Variants in ARAP3 observed in about 807,000 individuals in gnomAD.
ARAP3 encodes the protein ArfGAP with RhoGAP domain, ankyrin repeat and PH domain 3, also known as arf-GAP with Rho-GAP domain, ANK repeat and PH domain-containing protein 3.
In ARAP3, 82 loss-of-function variants were observed where a neutral mutation model predicts 169.2. That is an observed-to-expected ratio of 0.48 (90% CI 0.41 to 0.58). The LOEUF is 0.58. Ranked by LOEUF, ARAP3 falls within the 20% of genes least tolerant of loss-of-function variation. The pLI is 0.00. For missense variants in ARAP3, 1,764 were observed against 2,018.0 expected, an observed-to-expected ratio of 0.87 and a Z score of 2.41; for synonymous variants, 791 against 800.3, an observed-to-expected ratio of 0.99 and a Z score of 0.20.
rs757817986 is a variant in ARAP3 at position 141,680,306 on chromosome 5, G to C, written c.181C>G (p.Leu61Val). Residue 61 changes from leucine to valine, a missense_variant, in exon 2 of 33, where the codon CTG (leucine) becomes GTG (valine). This residue lies in a region of ARAP3 where 630 missense variants were observed against 678.7 expected (regional missense o/e 0.93). Coordinates refer to ENST00000239440, the MANE Select transcript of ARAP3 (RefSeq NM_022481.6). ...CCCTCTTCGGTGCCTGTCTGTAGCAGGCGTAGAATGCGTTTCCGGTGCCCT... is the reference window on the plus strand; with the variant it reads ...CCCTCTTCGGTGCCTGTCTGTAGCACGCGTAGAATGCGTTTCCGGTGCCCT... The part of the protein sequence containing the change: ...ATGHRKRILR[L>V]LQTGTEEGSL... The C allele has an allele frequency of 5.6e-6, 9 of 1,614,234 alleles. No homozygotes were observed. Among genetic ancestry groups the C allele is most frequent in the Non-Finnish European group, 7.6e-6 (9 of 1,180,030 alleles).
At chr5:141,677,442 A>G (rs2099912326) in intron 4 of ARAP3, among the ~76,000 whole-genome samples, 1 of 151,794 alleles carries the variant, frequency 6.6e-6, no homozygotes, top group South Asian at 2.1e-4. Context: ...ACCAGCTCAG[A>G]TGGAAGCCCT....
rs575250722 is a variant in ARAP3, at chr5:141,661,804, G to A, written c.3014-15C>T. 47 of 1,613,758 alleles carry A rather than the reference G, an allele frequency of 2.9e-5. 2 individuals carry two copies. The South Asian group carries it at 4.7e-4, about 16-fold the overall frequency. ...CTGGGGCAGCTCTGGGGATGGAATG[G>A]AGGAGGGTTGGGGAGGACCCGGGAA... On this transcript the variant is annotated splice_polypyrimidine_tract_variant and intron_variant, in intron 20 of 32. Coordinates refer to ENST00000239440, the MANE Select transcript of ARAP3 (RefSeq NM_022481.6).
intron 17 of ARAP3, among the ~76,000 whole-genome samples, chr5:141,665,782 G>A (rs2099910543): frequency 6.6e-6 from 1 of 152,034 alleles, no homozygotes; most frequent in Admixed American, 6.5e-5. Flanking sequence ...TGTAATCCCA[G>A]CACTGTGGGA....
intron 4 of ARAP3, among the ~76,000 whole-genome samples, chr5:141,674,883 C>G (rs968137055): frequency 6.6e-6 from 1 of 152,188 alleles, no homozygotes; most frequent in African/African-American, 2.4e-5. Flanking sequence ...TGCCCTCCCT[C>G]CCACACTTAT....
In ARAP3 at chr5:141,658,151, C is replaced by T. The variant is rs548856175; in HGVS notation, c.3526+214G>A. On this transcript the variant is annotated intron_variant, in intron 25 of 32. Coordinates refer to ENST00000239440, the MANE Select transcript of ARAP3 (RefSeq NM_022481.6). ...TCCCTTTAAGGTAGAAGGTAAACTACGAGCTTGTGGGGGTCACTAAGGCCA... is the reference window on the plus strand; with the variant it reads ...TCCCTTTAAGGTAGAAGGTAAACTATGAGCTTGTGGGGGTCACTAAGGCCA... 1.1e-4 allele frequency among the ~76,000 whole-genome samples: 17 copies of T among 152,230 alleles called. No homozygotes were observed. In the South Asian group the frequency reaches 2.7e-3, roughly 24 times the overall value.
intron 16 of ARAP3, among the ~76,000 whole-genome samples, chr5:141,669,491 T>C (rs531670056): frequency 6.6e-6 from 1 of 152,308 alleles, no homozygotes; most frequent in East Asian, 1.9e-4. Flanking sequence ...TAAAACTTAG[T>C]TTCCTTATAC....
At chr5:141,679,439 T>G (rs981401156) in intron 4 of ARAP3, 106 bp downstream of exon 4, 13 of 1,111,702 alleles carry the variant, frequency 1.2e-5, no homozygotes, top group Non-Finnish European at 1.6e-5. Context: ...GTATCTTGAG[T>G]GCCTGGCTGG....
chr5:141,670,106 C>A, intron 14 of ARAP3, 43 bp from the exon 15 acceptor site: 1 of 1,575,194 alleles, frequency 6.3e-7, no homozygotes, highest in Non-Finnish European at 8.5e-7. Context: ...GACCTCTGCC[C>A]CCACTGTCAT....
chr5:141,661,115 G>A (rs552570613), intron 21 of ARAP3, among the ~76,000 whole-genome samples: 1 of 148,340 alleles, frequency 6.7e-6, no homozygotes, highest in Non-Finnish European at 1.5e-5. Context: ...CCAGGCTGGA[G>A]TGAAGTGGTA....
rs3075597 is a variant in ARAP3, at chr5:141,655,182, T to TACACACACACAC, written c.4149+168_4149+179dup. 7.2e-3 allele frequency among the ~76,000 whole-genome samples: 689 copies of TACACACACACAC among 95,540 alleles called. 52 individuals are homozygous for TACACACACACAC. The highest frequency in any genetic ancestry group is 0.011 in the African/African-American group (239 of 21,330). 62.7% of individuals were successfully genotyped at this position (95,540 alleles called of 152,430 possible). On this transcript the variant is annotated intron_variant, in intron 32 of 32. Transcript: ENST00000239440. ...CACACACACACACACCCTGATGGCC[T>TACACACACACAC]ACACACACACACACACACACACACA...
chr5:141,664,241 A>G (rs2099910345), intron 19 of ARAP3, among the ~76,000 whole-genome samples: 1 of 152,108 alleles, frequency 6.6e-6, no homozygotes, highest in African/African-American at 2.4e-5. Flanking sequence ...AAAATTATCC[A>G]GGTGTGGTGG....
chr5:141,658,562 G>T lies in ARAP3; in HGVS notation c.3411+17C>A, dbSNP rs781491574. On this transcript the variant is annotated intron_variant, in intron 24 of 32. Coordinates refer to ENST00000239440, the MANE Select transcript of ARAP3 (RefSeq NM_022481.6). ...TCACTATCCTCTTATTTCCCCTCCA[G>T]TCCCCTCAGGACCAACCTTCAGGGT... is the stretch of plus-strand genomic sequence containing the variant. The T allele has an allele frequency of 1.2e-6, 2 of 1,614,004 alleles. No individual in the cohort carries two copies. The highest frequency in any genetic ancestry group is 2.2e-5 in the South Asian group (2 of 91,064).
In ARAP3 at chr5:141,669,749, C is replaced by A; in HGVS notation, c.2312G>T (p.Gly771Val). 6.2e-7 allele frequency: 1 copy of A among 1,614,092 alleles called. No homozygotes were observed. Among genetic ancestry groups the A allele is most frequent in the Non-Finnish European group, 8.5e-7 (1 of 1,179,998 alleles). Residue 771 changes from glycine (G) to valine (V), a missense_variant, in exon 16 of 33, where the codon GGA becomes GTA. By Grantham distance (109) the Gly-to-Val change is moderately radical. Transcript: ENST00000239440. The stretch of plus-strand genomic sequence containing the variant: ...AGTCCAGGCCTCCAGACTGTCAGCT[C>A]CATCTGTGCCAAAATGCTGGATCCT... ...GGRIQHFGTD[G>V]ADSLEAWTSA...
At chr5:141,654,514 T>G (rs2154598619) in intron 32 of ARAP3, 79 bp from the exon 33 acceptor site, 649 of 1,486,004 alleles carry the variant, frequency 4.4e-4, no homozygotes, top group Non-Finnish European at 5.3e-4. Flanking sequence ...TACTGAGCTC[T>G]TCCTCTGGGC....
chr5:141,658,379 T>C lies in ARAP3; in HGVS notation c.3512A>G (p.Glu1171Gly). Residue 1171 changes from glutamate (E) to glycine (G), a missense_variant, in exon 25 of 33, where the codon GAG becomes GGG. Glu to Gly is a moderately conservative substitution (Grantham distance 98). Transcript: ENST00000239440. Reference protein sequence around the residue: ...MDLWVTFEIREHGELERPLHP... With the variant: ...MDLWVTFEIRGHGELERPLHP... ...GTCATACTCACCCAGCTCCCCATGC[T>C]CGCGAATCTCAAAAGTCACCCACAA... 6.2e-7 allele frequency: 1 copy of C among 1,613,256 alleles called. No individual in the cohort carries two copies. Among genetic ancestry groups the C allele is most frequent in the South Asian group, 1.1e-5 (1 of 91,044 alleles).
chr5:141,673,055 T>C lies in ARAP3; in HGVS notation c.1051A>G (p.Ile351Val), dbSNP rs1246917164. The change falls in exon 7 of 33, where the codon ATC (isoleucine) becomes GTC (valine). Residue 351 changes from isoleucine to valine, a missense_variant. Physicochemically the swap from Ile to Val is conservative, Grantham distance 29. Coordinates refer to ENST00000239440, the MANE Select transcript of ARAP3 (RefSeq NM_022481.6). ...AACACGAACACCCTCTGGCCGGTGA[T>C]GACCTGGAACTTGTTGTCCTTGCTG... ...RSSKDNKFQV[I>V]TGQRVFVFRT... is the part of the protein sequence containing the mutation. The C allele has an allele frequency of 1.2e-6, 2 of 1,614,080 alleles. No homozygotes were observed. The highest frequency in any genetic ancestry group is 1.7e-5 in the Admixed American group (1 of 60,012).
At chr5:141,662,362 G>T in intron 19 of ARAP3, 107 bp from the exon 20 acceptor site, 1 of 1,035,154 alleles carries the variant, frequency 9.7e-7, no homozygotes, top group Non-Finnish European at 1.5e-6. Flanking sequence ...GGGGGCATGG[G>T]ATTCAGAGAG....
At position 141,655,767 on chromosome 5, in the gene ARAP3, A is replaced by G. The variant is rs149196553; in HGVS notation, c.3973-9T>C. On this transcript the variant is annotated splice_polypyrimidine_tract_variant and intron_variant, in intron 30 of 32. Transcript: ENST00000239440. The stretch of plus-strand genomic sequence containing the variant: ...GGCTGCTGGTCATCGTGCTGGTGGG[A>G]GCGTGAGGGGTTGGCATCAGTGGGC... The G allele has an allele frequency of 3.3e-3, 5,272 of 1,614,072 alleles. 16 individuals carry two copies. The highest frequency in any genetic ancestry group is 4.1e-3 in the Non-Finnish European group (4,887 of 1,180,010).
intron 19 of ARAP3, 35 bp downstream of exon 19, chr5:141,664,887 C>A: frequency 3.8e-6 from 2 of 521,802 alleles, no homozygotes; most frequent in Non-Finnish European, 6.9e-6. Flanking sequence ...CACCCCCCAC[C>A]CCCATTGGCT....
Sources: allele counts gnomAD v4.1 joint callset (sites outside exome capture counted in the v4.1 genomes callset), GRCh38; gene constraint gnomAD v4.1.1; regional missense constraint gnomAD v4.1.1; transcripts MANE v1.5; gene names NCBI Gene and HGNC (gene_info 2026-07-23, HGNC 2026-07-21).